Variants in ADAM11 observed in about 807,000 individuals in gnomAD.
ADAM11 encodes disintegrin and metalloproteinase domain-containing protein 11.
Under a neutral mutation model 119.1 loss-of-function variants are expected in ADAM11, and 49 were observed. The ratio of observed to expected loss-of-function variants is 0.41; its 90% CI spans 0.33 to 0.52. ADAM11 has a LOEUF of 0.52. Among genes scored for constraint, ADAM11 ranks in the 20% least tolerant of loss-of-function variants. The pLI is 0.20. For missense variants in ADAM11, 777 were observed against 1,047.5 expected, an observed-to-expected ratio of 0.74 and a Z score of 3.56; for synonymous variants, 364 against 408.0, an observed-to-expected ratio of 0.89 and a Z score of 1.30.
intron 1 of ADAM11, 142 bp downstream of exon 1, chr17:44,759,402 G>A (rs2049361194): frequency 2.3e-5 from 29 of 1,258,564 alleles, no homozygotes; most frequent in Admixed American, 4.2e-5. Context: ...GAGCGGGAGA[G>A]GAGGGAAGGT....
chr17:44,776,935 C>A lies in ADAM11; in HGVS notation c.1654C>A (p.Arg552=). The A allele has an allele frequency of 6.2e-7, 1 of 1,613,036 alleles. No homozygotes were observed. The highest frequency in any genetic ancestry group is 8.5e-7 in the Non-Finnish European group (1 of 1,179,116). Residue 552 remains arginine (R), a synonymous_variant, in exon 20 of 27, where the codon CGG becomes AGG. Transcript: ENST00000200557. This position sits in a 1 kb window ranked among gnomAD's most constrained non-coding sequence, Gnocchi z 5.2. ...CGGAGGTCGCTGCAAAACCCGGGAC[C>A]GGCAGTGCCAGGTTCTTTGGGGCCA... ...CYGGRCKTRD[R]QCQVLWGHAA...
chr17:44,775,139 C>G lies in ADAM11; in HGVS notation c.1221-73C>G. 7.7e-7 allele frequency: 1 copy of G among 1,306,428 alleles called. No individual in the cohort carries two copies. Among genetic ancestry groups the G allele is most frequent in the Non-Finnish European group, 1.1e-6 (1 of 912,080 alleles). The allele number at this position is 1,306,428 out of a possible 1,614,324, so 80.9% of individuals were successfully genotyped here. ...GTGACGAAGTCCCCCAGTGTACCCCCTCCCCAGCCTTGAGAGGGGTGAGGG... is the reference window on the plus strand; with the variant it reads ...GTGACGAAGTCCCCCAGTGTACCCCGTCCCCAGCCTTGAGAGGGGTGAGGG... On this transcript the variant is annotated intron_variant, in intron 14 of 26. Coordinates refer to ENST00000200557, the MANE Select transcript of ADAM11 (RefSeq NM_002390.6). The surrounding 1 kb of genome is among the most constrained non-coding windows in gnomAD (Gnocchi z 7.5).
intron 2 of ADAM11, among the ~76,000 whole-genome samples, chr17:44,760,430 G>A (rs1385556537): frequency 6.6e-6 from 1 of 152,192 alleles, no homozygotes; most frequent in Non-Finnish European, 1.5e-5. Flanking sequence ...AATAACTTGA[G>A]GCCCCAAGCC....
chr17:44,779,604 G>A (rs2049663811), intron 26 of ADAM11, 135 bp from the exon 27 acceptor site: 13 of 1,483,542 alleles, frequency 8.8e-6, no homozygotes, highest in African/African-American at 4.3e-5. Context: ...CTGACCTCCC[G>A]CAGATCCCTT....
intron 3 of ADAM11, 66 bp from the exon 4 acceptor site, chr17:44,769,916 A>C: frequency 6.2e-7 from 1 of 1,609,492 alleles, no homozygotes; most frequent in South Asian, 1.1e-5. Context: ...TCCTGACCTG[A>C]GGCGAGCCTC....
At position 44,777,282 on chromosome 17, in the gene ADAM11, C is replaced by A. The variant is rs772938923; in HGVS notation, c.1781+17C>A. 2 of 1,586,452 alleles carry A rather than the reference C, an allele frequency of 1.3e-6. No individual in the cohort carries two copies. Among genetic ancestry groups the A allele is most frequent in the Non-Finnish European group, 1.7e-6 (2 of 1,168,398 alleles). Reference sequence around the variant, plus strand: ...CAGTAAGCAGTGAGTACTGAGGCTCCCAGAGGGCCTCTCAGCTCCAGGGCA... The same window carrying A: ...CAGTAAGCAGTGAGTACTGAGGCTCACAGAGGGCCTCTCAGCTCCAGGGCA... On this transcript the variant is annotated intron_variant, in intron 21 of 26. Coordinates refer to ENST00000200557, the MANE Select transcript of ADAM11 (RefSeq NM_002390.6). This position sits in a 1 kb window ranked among gnomAD's most constrained non-coding sequence, Gnocchi z 5.1.
Position 44,775,752 on chromosome 17 carries a change from C to G in ADAM11, c.1485+76C>G, listed in dbSNP as rs1043342138. 9.1e-6 allele frequency: 13 copies of G among 1,423,330 alleles called. No homozygotes were observed. The highest frequency in any genetic ancestry group is 4.3e-5 in the Admixed American group (2 of 46,100). The allele number at this position is 1,423,330 out of a possible 1,614,324, so 88.2% of individuals were successfully genotyped here. On this transcript the variant is annotated intron_variant, in intron 17 of 26. Transcript: ENST00000200557. The surrounding 1 kb of genome is among the most constrained non-coding windows in gnomAD (Gnocchi z 7.5). The stretch of plus-strand genomic sequence containing the variant: ...GAGGCCTTCATATAAGGGGTGGGAG[C>G]TAGGGAGGGAAGCGGAGCCTTCGGG...
intron 2 of ADAM11, among the ~76,000 whole-genome samples, chr17:44,764,681 G>A (rs1204387961): frequency 2.0e-5 from 3 of 152,184 alleles, no homozygotes; most frequent in African/African-American, 7.2e-5. Context: ...CTGACTGTGT[G>A]ACCTGAGCCA....
At chr17:44,778,351 C>A in intron 25 of ADAM11, 109 bp downstream of exon 25, 1 of 1,144,242 alleles carries the variant, frequency 8.7e-7, no homozygotes, top group South Asian at 1.5e-5. Flanking sequence ...AACCAGAGCT[C>A]ACACGTCATA....
At chr17:44,768,643 A>C (rs1287540435) in intron 2 of ADAM11, among the ~76,000 whole-genome samples, 1 of 152,204 alleles carries the variant, frequency 6.6e-6, no homozygotes, top group East Asian at 1.9e-4. Context: ...GGCCCGGCAC[A>C]CAAGAAGTGC....
intron 2 of ADAM11, among the ~76,000 whole-genome samples, chr17:44,761,524 A>G (rs2049389271): frequency 2.0e-5 from 3 of 151,900 alleles, no homozygotes; most frequent in African/African-American, 7.3e-5. Context: ...TGAGGTGTGT[A>G]TGTGATCCAC....
At position 44,772,780 on chromosome 17, in the gene ADAM11, C is replaced by A. The variant is rs1027652439; in HGVS notation, c.679-77C>A. On this transcript the variant is annotated intron_variant, in intron 8 of 26. Coordinates refer to ENST00000200557, the MANE Select transcript of ADAM11 (RefSeq NM_002390.6). The surrounding 1 kb of genome is among the most constrained non-coding windows in gnomAD (Gnocchi z 4.5). Reference sequence around the variant, plus strand: ...GGAGTCCAGACCCCCCCATCCCCACCGAGTCTGTTCCTGGCTTGGCCATGA... The same window carrying A: ...GGAGTCCAGACCCCCCCATCCCCACAGAGTCTGTTCCTGGCTTGGCCATGA... 2 of 1,367,252 alleles carry A rather than the reference C, an allele frequency of 1.5e-6. No individual in the cohort carries two copies. Among genetic ancestry groups the A allele is most frequent in the Non-Finnish European group, 2.1e-6 (2 of 968,818 alleles). The allele number at this position is 1,367,252 out of a possible 1,614,324, so 84.7% of individuals were successfully genotyped here. A position where few individuals can be genotyped will look rare whatever the true frequency, so the allele number is the denominator to read the frequency against.
At position 44,777,914 on chromosome 17, in the gene ADAM11, G is replaced by T; in HGVS notation, c.2071-38G>T. ...GGGAGAAGCTTACAAGAGGGGACAG[G>T]CCCCTGCTCACCTCTCCTGGCCCTG... On this transcript the variant is annotated intron_variant, in intron 23 of 26. Transcript: ENST00000200557. The surrounding 1 kb of genome is among the most constrained non-coding windows in gnomAD (Gnocchi z 5.1). The T allele has an allele frequency of 3.1e-6, 5 of 1,613,660 alleles. No individual in the cohort carries two copies. The highest frequency in any genetic ancestry group is 4.2e-6 in the Non-Finnish European group (5 of 1,179,900).
intron 2 of ADAM11, among the ~76,000 whole-genome samples, chr17:44,763,799 C>G (rs533687768): frequency 8.5e-5 from 13 of 152,168 alleles, no homozygotes; most frequent in South Asian, 4.1e-4. Flanking sequence ...TCACTGCAGC[C>G]TCTGCCTCCC....
Sources: gnomAD v4.1 joint callset for allele counts (sites outside exome capture counted in the v4.1 genomes callset) on GRCh38, gnomAD v4.1.1 for gene constraint, Gnocchi (gnomAD v3.1) non-coding constraint, MANE v1.5 for transcripts, NCBI Gene and HGNC (gene_info 2026-07-23, HGNC 2026-07-21) for gene names.